Variants in MBNL2 observed in about 807,000 individuals in gnomAD.
The protein encoded by MBNL2 is muscleblind-like protein 2.
MBNL2 carries 17 observed loss-of-function variants against 41.9 expected under a neutral mutation model. The observed-to-expected ratio is 0.41, with a 90% CI of 0.28 to 0.61. MBNL2 has a LOEUF of 0.61. MBNL2 is among the 20% of genes least tolerant of loss of function. The pLI, the probability that MBNL2 is intolerant of heterozygous loss-of-function variation, is 0.35. For missense variants in MBNL2, 336 were observed against 505.6 expected (o/e 0.66, Z 3.22); for synonymous variants, 195 against 182.9 (o/e 1.07, Z -0.53).
chr13:97,157,766 G>A, the MBNL2 span, among the ~76,000 whole-genome samples: 8 of 149,998 alleles, frequency 5.3e-5, no homozygotes, highest in East Asian at 1.6e-3. Context: ...TGGTGGATAA[G>A]CTTTTTGATG....
the MBNL2 span, among the ~76,000 whole-genome samples, chr13:97,193,078 A>G: frequency 6.6e-5 from 10 of 152,210 alleles, no homozygotes; most frequent in Non-Finnish European, 4.4e-5. Context: ...TACATGGAGG[A>G]CAAGAGCTGT....
chr13:97,340,676 G>T (rs1177315588), intron 3 of MBNL2, among the ~76,000 whole-genome samples: 1 of 152,130 alleles, frequency 6.6e-6, no homozygotes, highest in Admixed American at 6.5e-5. Flanking sequence ...TGAGTAGTAA[G>T]TGTCAGAGTG....
At chr13:97,324,103 C>G (rs909938280) in intron 2 of MBNL2, among the ~76,000 whole-genome samples, 6 of 152,166 alleles carry the variant, frequency 3.9e-5, no homozygotes, top group African/African-American at 1.4e-4. Flanking sequence ...CCTTCCTCCC[C>G]ACTCTCAACT....
intron 2 of MBNL2, among the ~76,000 whole-genome samples, chr13:97,317,679 C>A (rs760958070): frequency 2.6e-5 from 4 of 152,112 alleles, no homozygotes; most frequent in Admixed American, 2.0e-4. Flanking sequence ...CTTGTCTTGC[C>A]CTAATAGACG....
At chr13:97,259,942 T>C (rs570390705) in intron 1 of MBNL2, among the ~76,000 whole-genome samples, 10 of 152,220 alleles carry the variant, frequency 6.6e-5, no homozygotes, top group Non-Finnish European at 1.5e-4. Flanking sequence ...CACTGCTCAC[T>C]GTGTTCTAAA....
At chr13:97,384,766 T>C (rs201731657) in intron 8 of MBNL2, among the ~76,000 whole-genome samples, 1 of 152,192 alleles carries the variant, frequency 6.6e-6, no homozygotes, top group East Asian at 1.9e-4. Context: ...GAAATATTAT[T>C]AATATCTTTA....
chr13:97,156,342 T>C, the MBNL2 span, among the ~76,000 whole-genome samples: 1 of 146,852 alleles, frequency 6.8e-6, no homozygotes, highest in Non-Finnish European at 1.5e-5. Context: ...TCCCATTTTG[T>C]AGGTTGCCTG....
At chr13:97,210,571 A>AT in the MBNL2 span, among the ~76,000 whole-genome samples, 100 of 65,458 alleles carry the variant, frequency 1.5e-3, 27 homozygotes, top group African/African-American at 3.0e-3. Context: ...ACAACTGTGA[A>AT]TTTTTTTTTT....
intron 1 of MBNL2, among the ~76,000 whole-genome samples, chr13:97,238,362 G>A (rs1183376736): frequency 6.6e-6 from 1 of 152,196 alleles, no homozygotes; most frequent in African/African-American, 2.4e-5. Flanking sequence ...AATCCAAAGT[G>A]AAGAGCATTT....
In MBNL2 at chr13:97,334,178, G is replaced by A; in HGVS notation, c.175-98G>A. 1 of 790,636 alleles carries A rather than the reference G, an allele frequency of 1.3e-6. No homozygotes were observed. The highest frequency in any genetic ancestry group is 1.8e-5 in the South Asian group (1 of 54,648). 49.0% of individuals were successfully genotyped at this position (790,636 alleles called of 1,614,324 possible). A position where few individuals can be genotyped will look rare whatever the true frequency, so the allele number is the denominator to read the frequency against. On this transcript the variant is annotated intron_variant, in intron 2 of 8. Coordinates refer to ENST00000679496, the MANE Select transcript of MBNL2 (RefSeq NM_001382683.1). This position sits in a 1 kb window ranked among gnomAD's most constrained non-coding sequence, Gnocchi z 5.3. ...CACACACACACACACACACACACAGGATCCTTGCTTTTGTGCATAAGAAGT... is the reference window on the plus strand; with the variant it reads ...CACACACACACACACACACACACAGAATCCTTGCTTTTGTGCATAAGAAGT...
chr13:97,359,740 C>A (rs2063259552), intron 7 of MBNL2, among the ~76,000 whole-genome samples: 1 of 151,992 alleles, frequency 6.6e-6, no homozygotes, highest in African/African-American at 2.4e-5. Context: ...TCCTAGCGCA[C>A]CAATACAGTG....
intron 1 of MBNL2, among the ~76,000 whole-genome samples, chr13:97,259,876 G>A (rs142696815): frequency 5.3e-5 from 8 of 152,212 alleles, no homozygotes; most frequent in Admixed American, 2.0e-4. Flanking sequence ...GCTCTGTGGC[G>A]TATTCATTCA....
At chr13:97,198,698 C>T in the MBNL2 span, among the ~76,000 whole-genome samples, 1 of 152,020 alleles carries the variant, frequency 6.6e-6, no homozygotes, top group East Asian at 1.9e-4. Context: ...CTTCTGGGCA[C>T]TCAGGCCAAA....
intron 1 of MBNL2, among the ~76,000 whole-genome samples, chr13:97,252,519 A>G (rs1299917892): frequency 6.6e-6 from 1 of 152,200 alleles, no homozygotes; most frequent in Non-Finnish European, 1.5e-5. Context: ...ATATCTTTCA[A>G]TTATATTCAA....
At chr13:97,227,966 T>C (rs1292967006) in intron 1 of MBNL2, among the ~76,000 whole-genome samples, 22 of 152,204 alleles carry the variant, frequency 1.4e-4, no homozygotes, top group Admixed American at 1.4e-3. Flanking sequence ...ATGAATGGTC[T>C]GCAGATCTGG....
chr13:97,220,616 T>TA (rs546103357), upstream of MBNL2, among the ~76,000 whole-genome samples: 45 of 152,302 alleles, frequency 3.0e-4, no homozygotes, highest in South Asian at 9.3e-3. Flanking sequence ...TACATGATTT[T>TA]AAAAAACCCG....
At chr13:97,169,693 GA>G in the MBNL2 span, among the ~76,000 whole-genome samples, 4 of 152,312 alleles carry the variant, frequency 2.6e-5, no homozygotes, top group South Asian at 2.1e-4. Context: ...AGGTCAAGTT[GA>G]AAAGTATACA....
At chr13:97,189,109 GT>G in the MBNL2 span, among the ~76,000 whole-genome samples, 1 of 151,682 alleles carries the variant, frequency 6.6e-6, no homozygotes, top group African/African-American at 2.4e-5. Flanking sequence ...ACTCAGGCTG[GT>G]CTCAAACTCC....
intron 1 of MBNL2, among the ~76,000 whole-genome samples, chr13:97,248,201 C>T (rs773748205): frequency 6.6e-6 from 1 of 152,266 alleles, no homozygotes; most frequent in African/African-American, 2.4e-5. Context: ...GGTGCGATCT[C>T]GCCTCCACCT....
Sources: allele counts gnomAD v4.1 joint callset (sites outside exome capture counted in the v4.1 genomes callset), GRCh38; gene constraint gnomAD v4.1.1; non-coding constraint Gnocchi (gnomAD v3.1); transcripts MANE v1.5; gene names NCBI Gene and HGNC (gene_info 2026-07-23, HGNC 2026-07-21).